Variants in SHC4 observed in about 807,000 individuals in gnomAD.
SHC4 encodes SHC adaptor protein 4, also known as SHC-transforming protein 4.
SHC4 carries 41 observed loss-of-function variants against 69.4 expected under a neutral mutation model. That is an observed-to-expected ratio of 0.59 (90% CI 0.46 to 0.77). SHC4 has a LOEUF of 0.77. SHC4 is among the 30% of genes least tolerant of loss of function. The pLI is 0.00. For synonymous variants in SHC4, 318 were observed against 299.3 expected (o/e 1.06, Z -0.64); for missense variants, 777 against 783.8 (o/e 0.99, Z 0.10).
At chr15:48,864,241 T>G (rs1339726765) in intron 6 of SHC4, among the ~76,000 whole-genome samples, 1 of 152,052 alleles carries the variant, frequency 6.6e-6, no homozygotes, top group Non-Finnish European at 1.5e-5. Flanking sequence ...AACATCTGAT[T>G]CCTATTTCTC....
chr15:48,901,455 G>T (rs1053289867), intron 2 of SHC4, among the ~76,000 whole-genome samples: 1 of 152,138 alleles, frequency 6.6e-6, no homozygotes, highest in African/African-American at 2.4e-5. Context: ...CTCCCTTTAC[G>T]CTGTAAATTA....
At chr15:48,831,552 A>T (rs1898801236) in intron 11 of SHC4, among the ~76,000 whole-genome samples, 1 of 152,250 alleles carries the variant, frequency 6.6e-6, no homozygotes, top group South Asian at 2.1e-4. Flanking sequence ...ATAGGTTTGC[A>T]ACCTACAAGC....
chr15:48,839,918 C>T (rs1295259538), intron 10 of SHC4, among the ~76,000 whole-genome samples: 1 of 152,218 alleles, frequency 6.6e-6, no homozygotes, highest in East Asian at 1.9e-4. Flanking sequence ...GCTGGGCACC[C>T]AGCTAGAGTA....
At chr15:48,884,972 C>T (rs955173114) in intron 3 of SHC4, among the ~76,000 whole-genome samples, 3 of 152,198 alleles carry the variant, frequency 2.0e-5, no homozygotes, top group Non-Finnish European at 4.4e-5. Flanking sequence ...ACAAATATTA[C>T]TAGGAAGGGG....
Position 48,963,241 on chromosome 15 carries a change from A to C in SHC4, c.-226T>G, listed in dbSNP as rs544395832. 1.6e-5 allele frequency: 8 copies of C among 501,382 alleles called. No individual in the cohort carries two copies. Among genetic ancestry groups the C allele is most frequent in the Non-Finnish European group, 2.8e-5 (8 of 287,544 alleles). 31.1% of individuals were successfully genotyped at this position (501,382 alleles called of 1,614,324 possible). A position where few individuals can be genotyped will look rare whatever the true frequency, so the allele number is the denominator to read the frequency against. Reference sequence around the variant, plus strand: ...ATTTCAGTCTCTCCCTGGCCCAGGCAGAGGCACCAGTGTTCTCGCCTTGGA... The same window carrying C: ...ATTTCAGTCTCTCCCTGGCCCAGGCCGAGGCACCAGTGTTCTCGCCTTGGA... On this transcript the variant is annotated 5_prime_UTR_variant, in exon 1 of 12. Coordinates refer to ENST00000332408, the MANE Select transcript of SHC4 (RefSeq NM_203349.4).
At chr15:48,926,402 G>T (rs1012015406) in intron 1 of SHC4, among the ~76,000 whole-genome samples, 2 of 151,976 alleles carry the variant, frequency 1.3e-5, no homozygotes, top group African/African-American at 4.8e-5. Flanking sequence ...ACTGTCAAAA[G>T]ATGTCAGGAG....
At chr15:48,834,240 C>T (rs981325418) in intron 11 of SHC4, among the ~76,000 whole-genome samples, 4 of 152,204 alleles carry the variant, frequency 2.6e-5, no homozygotes, top group African/African-American at 9.6e-5. Context: ...CTTCTCTATA[C>T]TCCAAATGTC....
intron 7 of SHC4, 61 bp downstream of exon 7, chr15:48,857,629 TAC>T (rs1899351198): frequency 9.6e-6 from 13 of 1,359,970 alleles, no homozygotes; most frequent in East Asian, 2.6e-5. Flanking sequence ...CACAAATAAA[TAC>T]ATACAGATAA....
chr15:48,834,531 C>CATTGA (rs1898863994), intron 11 of SHC4, among the ~76,000 whole-genome samples: 1 of 152,096 alleles, frequency 6.6e-6, no homozygotes. Flanking sequence ...TCATTTAATT[C>CATTGA]ATTGAATTGA....
chr15:48,951,253 C>A (rs1180509044), intron 1 of SHC4, among the ~76,000 whole-genome samples: 1 of 151,994 alleles, frequency 6.6e-6, no homozygotes, highest in Non-Finnish European at 1.5e-5. Context: ...TCCTTCCTAC[C>A]CCCTCACTTT....
intron 1 of SHC4, among the ~76,000 whole-genome samples, chr15:48,936,692 A>G (rs2141031098): frequency 6.6e-6 from 1 of 152,346 alleles, no homozygotes; most frequent in East Asian, 1.9e-4. Flanking sequence ...AGTCTTGGGT[A>G]GTTCTTTATA....
chr15:48,911,943 T>C (rs2141017257), intron 2 of SHC4, among the ~76,000 whole-genome samples: 1 of 152,330 alleles, frequency 6.6e-6, no homozygotes, highest in South Asian at 2.1e-4. Flanking sequence ...TTCTAGCTTG[T>C]AGGGTTTCTG....
chr15:48,923,892 C>G (rs1455656706), intron 2 of SHC4, among the ~76,000 whole-genome samples: 1 of 152,096 alleles, frequency 6.6e-6, no homozygotes, highest in Non-Finnish European at 1.5e-5. Context: ...CCTCCAACCT[C>G]AGCCTTCTGA....
intron 10 of SHC4, among the ~76,000 whole-genome samples, chr15:48,842,442 A>G (rs1727882722): frequency 6.6e-6 from 1 of 152,242 alleles, no homozygotes; most frequent in East Asian, 1.9e-4. Flanking sequence ...AGTAAATTTA[A>G]AGTATTTGAA....
chr15:48,856,773 T>TA (rs398027192), intron 7 of SHC4, among the ~76,000 whole-genome samples: 24,452 of 115,918 alleles, frequency 0.21, 2,125 homozygotes, highest in Non-Finnish European at 0.23. Flanking sequence ...AGTTTCTTAC[T>TA]AAAAAAAAAA....
chr15:48,897,559 T>G (rs775135470), intron 2 of SHC4, among the ~76,000 whole-genome samples: 6 of 138,042 alleles, frequency 4.3e-5, no homozygotes, highest in Non-Finnish European at 7.7e-5. Context: ...TTTTTTAAGT[T>G]TGGAAGGCAA....
In SHC4 at chr15:48,963,167, C is replaced by G. The variant is rs1432206394; in HGVS notation, c.-152G>C. The G allele has an allele frequency of 6.4e-6, 5 of 776,206 alleles. No individual in the cohort carries two copies. Among genetic ancestry groups the G allele is most frequent in the South Asian group, 1.8e-5 (1 of 54,360 alleles). The allele number at this position is 776,206 out of a possible 1,614,324, so 48.1% of individuals were successfully genotyped here. On this transcript the variant is annotated 5_prime_UTR_variant, in exon 1 of 12. Coordinates refer to ENST00000332408, the MANE Select transcript of SHC4 (RefSeq NM_203349.4). Reference sequence around the variant, plus strand: ...TCTCGAGCTCGCCCACCTCGGCTCCCGGCCCCTTAAGGGTGACAGCCCATG... The same window carrying G: ...TCTCGAGCTCGCCCACCTCGGCTCCGGGCCCCTTAAGGGTGACAGCCCATG...
At chr15:48,897,990 G>A (rs978772687) in intron 2 of SHC4, among the ~76,000 whole-genome samples, 1 of 152,122 alleles carries the variant, frequency 6.6e-6, no homozygotes, top group African/African-American at 2.4e-5. Context: ...AGTTAACAAA[G>A]TCTAAGGGAC....
chr15:48,923,613 T>C (rs1427540433), intron 2 of SHC4, among the ~76,000 whole-genome samples: 3 of 145,708 alleles, frequency 2.1e-5, no homozygotes, highest in African/African-American at 2.5e-5. Flanking sequence ...TTTTCAACTA[T>C]AGCAGCACAG....
Sources: gnomAD v4.1 joint callset for allele counts (sites outside exome capture counted in the v4.1 genomes callset) on GRCh38, gnomAD v4.1.1 for gene constraint, MANE v1.5 for transcripts, NCBI Gene and HGNC (gene_info 2026-07-23, HGNC 2026-07-21) for gene names.